TTLL5: variants seen among roughly 807,000 people sequenced by gnomAD.
The protein encoded by TTLL5 is tubulin tyrosine ligase like 5, also known as tubulin polyglutamylase TTLL5.
In TTLL5, 132 loss-of-function variants were observed where a neutral mutation model predicts 168.4. The observed-to-expected ratio is 0.78, with a 90% CI of 0.68 to 0.91. The LOEUF (loss-of-function observed/expected upper bound fraction) is 0.91. Ranked by LOEUF, TTLL5 falls within the 40% of genes least tolerant of loss-of-function variation. TTLL5 has a pLI of 0.00. For synonymous variants in TTLL5, 546 were observed against 558.6 expected (o/e 0.98, Z 0.32); for missense variants, 1,545 against 1,581.5 (o/e 0.98, Z 0.39).
chr14:75,706,152 A>G (rs1320640161), intron 7 of TTLL5, among the ~76,000 whole-genome samples: 1 of 152,026 alleles, frequency 6.6e-6, no homozygotes, highest in East Asian at 1.9e-4. Flanking sequence ...GCCTTCACTC[A>G]TTTCTGCATC....
intron 20 of TTLL5, among the ~76,000 whole-genome samples, chr14:75,768,651 A>G (rs1244742285): frequency 2.0e-5 from 3 of 152,178 alleles, no homozygotes; most frequent in Non-Finnish European, 4.4e-5. Flanking sequence ...ATCTCTTCCT[A>G]TCAGTCAGAA....
intron 31 of TTLL5, chr14:75,930,522 T>G: frequency 1.2e-6 from 1 of 852,262 alleles, no homozygotes; most frequent in Non-Finnish European, 1.4e-6. Flanking sequence ...CTAAAACACT[T>G]CTAGTCACAA....
chr14:75,687,732 T>C (rs1239965163), intron 5 of TTLL5, among the ~76,000 whole-genome samples: 2 of 152,038 alleles, frequency 1.3e-5, no homozygotes, highest in Non-Finnish European at 2.9e-5. Flanking sequence ...AACTCAACCA[T>C]AAGGAAACAA....
chr14:75,723,427 G>A (rs1332589431), intron 12 of TTLL5, among the ~76,000 whole-genome samples: 4 of 152,182 alleles, frequency 2.6e-5, no homozygotes, highest in Non-Finnish European at 2.9e-5. Flanking sequence ...AGATGGGGAT[G>A]AGGGGTTGGG....
At position 75,904,210 on chromosome 14, in the gene TTLL5, A is replaced by AT. The variant is rs747831067; in HGVS notation, c.3823+1986_3823+1987insT. On this transcript the variant is annotated intron_variant, in intron 31 of 31. Coordinates refer to ENST00000298832, the MANE Select transcript of TTLL5 (RefSeq NM_015072.5). ...TATTCACCTCACTCCTCCAAAAAAA[A>AT]AAAAAAGGAAAGAAAAAAAGAATTA... 9.1e-6 allele frequency: 11 copies of AT among 1,213,344 alleles called. No homozygotes were observed. The South Asian group carries it at 1.2e-4, about 13-fold the overall frequency. 75.2% of individuals were successfully genotyped at this position (1,213,344 alleles called of 1,614,324 possible). A position where few individuals can be genotyped will look rare whatever the true frequency, so the allele number is the denominator to read the frequency against.
chr14:75,737,396 G>A (rs1231280174), intron 15 of TTLL5, among the ~76,000 whole-genome samples: 1 of 152,208 alleles, frequency 6.6e-6, no homozygotes, highest in Non-Finnish European at 1.5e-5. Context: ...AGAAAGCAGT[G>A]TGAAAGAAAA....
At chr14:75,942,386 G>A (rs148969624) in intron 31 of TTLL5, among the ~76,000 whole-genome samples, 40 of 152,282 alleles carry the variant, frequency 2.6e-4, no homozygotes, top group African/African-American at 9.6e-4. Context: ...TATTTACCAA[G>A]CAGCTCTCAT....
At chr14:75,717,677 T>C in intron 9 of TTLL5, 184 bp from the exon 10 acceptor site, 1 of 572,472 alleles carries the variant, frequency 1.7e-6, no homozygotes, top group Non-Finnish European at 3.1e-6. Flanking sequence ...TAGGGTTGCT[T>C]TAAGGATTGA....
chr14:75,777,656 G>A (rs1428781790), intron 23 of TTLL5, among the ~76,000 whole-genome samples: 5 of 152,082 alleles, frequency 3.3e-5, no homozygotes, highest in Non-Finnish European at 7.4e-5. Context: ...TAAAAAAACA[G>A]TAAGCCCCAT....
chr14:75,872,507 C>T (rs2031117518), intron 29 of TTLL5, among the ~76,000 whole-genome samples: 2 of 151,962 alleles, frequency 1.3e-5, no homozygotes, highest in South Asian at 4.2e-4. Flanking sequence ...ATTTTTTGTG[C>T]CTTGGTTTCT....
intron 29 of TTLL5, among the ~76,000 whole-genome samples, chr14:75,880,762 G>A (rs2031764953): frequency 6.6e-6 from 1 of 152,206 alleles, no homozygotes; most frequent in East Asian, 1.9e-4. Flanking sequence ...CCTCCTGCTG[G>A]AAGCTTTGGT....
At chr14:75,689,956 T>C (rs530690135) in intron 5 of TTLL5, 5 of 413,360 alleles carry the variant, frequency 1.2e-5, no homozygotes, top group African/African-American at 8.4e-5. Context: ...AATTACACAT[T>C]AAAAAGGGCA....
rs745861072 is a variant in TTLL5 at position 75,719,814 on chromosome 14, A to C, written c.922A>C (p.Arg308=). 1 of 1,613,962 alleles carries C rather than the reference A, an allele frequency of 6.2e-7. No individual in the cohort carries two copies. Among genetic ancestry groups the C allele is most frequent in the Admixed American group, 1.7e-5 (1 of 59,992 alleles). Residue 308 remains arginine (R), a synonymous_variant, in exon 11 of 32, where the codon AGA becomes CGA. Coordinates refer to ENST00000298832, the MANE Select transcript of TTLL5 (RefSeq NM_015072.5). ...AMLRYLKQEG[R]DTTALMAHVE... is the part of the protein sequence containing the mutation. ...GCTTAGGTACCTGAAACAAGAAGGC[A>C]GAGATACAACCGGTGAGTACTGGGC...
intron 17 of TTLL5, among the ~76,000 whole-genome samples, chr14:75,752,669 T>C (rs1424089115): frequency 6.6e-6 from 1 of 152,206 alleles, no homozygotes; most frequent in Admixed American, 6.5e-5. Context: ...CTACATTAAA[T>C]CCTCTTTTTC....
chr14:75,896,430 T>A (rs977101660), intron 30 of TTLL5, among the ~76,000 whole-genome samples: 2 of 152,206 alleles, frequency 1.3e-5, no homozygotes, highest in African/African-American at 4.8e-5. Context: ...TGCAGCCATG[T>A]CTGTTTTGCC....
rs185545512 is a variant in TTLL5, at chr14:75,894,645, T to G, written c.3741-7497T>G. Among the ~76,000 whole-genome samples, 36 of 152,266 alleles carry G rather than the reference T, an allele frequency of 2.4e-4. No individual in the cohort carries two copies. In the East Asian group the frequency reaches 5.2e-3, roughly 22 times the overall value. ...AATATACAAGTAACCAAAATAAATG[T>G]TGACAAATTAAACTCTTCCATTAAA... is the stretch of plus-strand genomic sequence containing the variant. On this transcript the variant is annotated intron_variant, in intron 30 of 31. Transcript: ENST00000298832.
chr14:75,862,351 A>G (rs1307494896), intron 28 of TTLL5, among the ~76,000 whole-genome samples: 1 of 152,218 alleles, frequency 6.6e-6, no homozygotes, highest in Non-Finnish European at 1.5e-5. Flanking sequence ...TCTACAAGAA[A>G]AATTGCTGGA....
Position 75,782,721 on chromosome 14 carries a change from C to CT in TTLL5, c.2602+150dup, listed in dbSNP as rs1332467943. On this transcript the variant is annotated intron_variant, in intron 25 of 31. Coordinates refer to ENST00000298832, the MANE Select transcript of TTLL5 (RefSeq NM_015072.5). The stretch of plus-strand genomic sequence containing the variant: ...TTTTCCTTTTCCCTTAGAATTTTCT[C>CT]TTATCTATTGATAAGCTATTTTCCT... The CT allele has an allele frequency of 1.4e-4, 101 of 747,266 alleles. No individual in the cohort carries two copies. The South Asian group carries it at 1.5e-3, about 11-fold the overall frequency. The allele number at this position is 747,266 out of a possible 1,614,324, so 46.3% of individuals were successfully genotyped here.
At chr14:75,662,518 T>TA (rs57515670) in intron 1 of TTLL5, among the ~76,000 whole-genome samples, 2 of 150,482 alleles carry the variant, frequency 1.3e-5, no homozygotes, top group African/African-American at 2.4e-5. Context: ...TTTTTTTTTT[T>TA]AGTAAAGACG....
Sources: gnomAD v4.1 joint callset for allele counts (sites outside exome capture counted in the v4.1 genomes callset) on GRCh38, gnomAD v4.1.1 for gene constraint, MANE v1.5 for transcripts, NCBI Gene and HGNC (gene_info 2026-07-23, HGNC 2026-07-21) for gene names.